The following ARHGEF3 variants were observed in gnomAD, a reference collection of about 807,000 sequenced individuals.
ARHGEF3 encodes 59.8 kDA protein.
Under a neutral mutation model 63.2 loss-of-function variants are expected in ARHGEF3, and 28 were observed. That is an observed-to-expected ratio of 0.44 (90% CI 0.33 to 0.61). The LOEUF is 0.61. ARHGEF3 is among the 20% of genes least tolerant of loss of function. ARHGEF3 has a pLI of 0.03. For missense variants in ARHGEF3, 533 were observed against 659.3 expected (o/e 0.81, Z 2.10); for synonymous variants, 266 against 254.2 (o/e 1.05, Z -0.44).
intron 3 of ARHGEF3, chr3:56,940,471 T>C (rs1335382140): frequency 1.3e-5 from 2 of 152,178 alleles, no homozygotes; most frequent in Non-Finnish European, 2.9e-5. Flanking sequence ...CCCACAGACC[T>C]CACATATGGC....
chr3:56,764,726 T>C (rs973818005), intron 2 of ARHGEF3, among the ~76,000 whole-genome samples: 4 of 151,664 alleles, frequency 2.6e-5, no homozygotes, highest in Non-Finnish European at 2.9e-5. Context: ...AAATAAAAAA[T>C]GACAAGCTTT....
intron 2 of ARHGEF3, among the ~76,000 whole-genome samples, chr3:57,017,046 A>T (rs1014235716): frequency 1.1e-4 from 17 of 148,836 alleles, no homozygotes; most frequent in African/African-American, 3.9e-4. Flanking sequence ...ACACACACAC[A>T]CACACACACA....
chr3:56,921,910 G>A (rs186018136), intron 3 of ARHGEF3, among the ~76,000 whole-genome samples: 8 of 152,328 alleles, frequency 5.3e-5, no homozygotes, highest in East Asian at 3.9e-4. Flanking sequence ...AAGTCTCAAC[G>A]ATTGCTAGTC....
At chr3:56,788,229 G>C (rs12638959) in intron 1 of ARHGEF3, among the ~76,000 whole-genome samples, 1 of 152,124 alleles carries the variant, frequency 6.6e-6, no homozygotes, top group Non-Finnish European at 1.5e-5. Flanking sequence ...TCCAGCATCA[G>C]GGAGCCTATT....
intron 3 of ARHGEF3, among the ~76,000 whole-genome samples, chr3:56,936,081 G>T (rs1578882924): frequency 1.3e-5 from 2 of 152,144 alleles, no homozygotes; most frequent in African/African-American, 2.4e-5. Context: ...GAAGCCCAGT[G>T]CAAGAAAGAA....
intron 4 of ARHGEF3, among the ~76,000 whole-genome samples, chr3:56,807,274 A>C (rs2037897621): frequency 6.6e-6 from 1 of 152,200 alleles, no homozygotes; most frequent in South Asian, 2.1e-4. Flanking sequence ...TCAGGTGTTC[A>C]ATTAGATACA....
chr3:56,796,026 C>G (rs1439478492), intron 1 of ARHGEF3, among the ~76,000 whole-genome samples: 1 of 151,720 alleles, frequency 6.6e-6, no homozygotes, highest in East Asian at 1.9e-4. Context: ...TCACTCCTGA[C>G]AGTCCATGAG....
intron 4 of ARHGEF3, among the ~76,000 whole-genome samples, chr3:56,819,007 T>G (rs763394046): frequency 2.0e-5 from 3 of 152,094 alleles, no homozygotes; most frequent in Non-Finnish European, 2.9e-5. Context: ...GCTGCCAAAG[T>G]CTCCATCTAG....
intron 4 of ARHGEF3, among the ~76,000 whole-genome samples, chr3:56,819,057 T>A (rs1186044890): frequency 6.6e-6 from 1 of 152,222 alleles, no homozygotes; most frequent in Non-Finnish European, 1.5e-5. Context: ...AATTTTTTTA[T>A]ACTTGTATTC....
intron 4 of ARHGEF3, among the ~76,000 whole-genome samples, chr3:56,829,831 G>A (rs1232146940): frequency 6.6e-6 from 1 of 152,130 alleles, no homozygotes; most frequent in Admixed American, 6.6e-5. Context: ...ACATAAGCAG[G>A]GATTTGTTTC....
chr3:57,042,651 A>AATATAT (rs71076013), intron 1 of ARHGEF3, among the ~76,000 whole-genome samples: 5 of 49,280 alleles, frequency 1.0e-4, no homozygotes, highest in African/African-American at 2.9e-4. Flanking sequence ...TATGTACATA[A>AATATAT]ATATATATAT....
chr3:56,964,808 T>C (rs560309788), intron 2 of ARHGEF3, among the ~76,000 whole-genome samples: 1 of 151,450 alleles, frequency 6.6e-6, no homozygotes, highest in South Asian at 2.1e-4. Context: ...CAACAGGTGA[T>C]GAGAAAAGGG....
chr3:56,805,236 T>C (rs903437222), upstream of ARHGEF3, among the ~76,000 whole-genome samples: 1 of 151,976 alleles, frequency 6.6e-6, no homozygotes, highest in African/African-American at 2.4e-5. Flanking sequence ...CTAAGAAATA[T>C]GTTTATTTTA....
Position 56,876,232 on chromosome 3 carries a change from C to T in ARHGEF3, c.192+6060G>A, listed in dbSNP as rs564472891. 5.5e-4 allele frequency among the ~76,000 whole-genome samples: 83 copies of T among 152,142 alleles called. 1 individual carries two copies. Among genetic ancestry groups the T allele is most frequent in the African/African-American group, 1.8e-3 (76 of 41,502 alleles). On this transcript the variant is annotated intron_variant, in intron 4 of 12. Transcript: ENST00000338458. ...GTTCAGGAGGTGGGCAGGGGCCAGA[C>T]GGTGCAAGGCTTTGGAAGCACAGTC...
chr3:56,805,138 C>A (rs1395873711), upstream of ARHGEF3, among the ~76,000 whole-genome samples: 2 of 152,204 alleles, frequency 1.3e-5, no homozygotes, highest in African/African-American at 4.8e-5. Flanking sequence ...CGTCTGATAG[C>A]CCTGGGACTG....
At chr3:56,783,148 C>T (rs2036639732) in intron 1 of ARHGEF3, among the ~76,000 whole-genome samples, 2 of 151,920 alleles carry the variant, frequency 1.3e-5, no homozygotes, top group Non-Finnish European at 2.9e-5. Flanking sequence ...GCTCAGAGGC[C>T]CTGCCCAAAC....
At chr3:57,008,914 C>G (rs1244527407) in intron 2 of ARHGEF3, among the ~76,000 whole-genome samples, 3 of 152,228 alleles carry the variant, frequency 2.0e-5, no homozygotes, top group African/African-American at 7.2e-5. Context: ...CAATGAATTG[C>G]CAACATTTCA....
intron 2 of ARHGEF3, chr3:56,975,711 T>C (rs1701099143): frequency 8.1e-6 from 3 of 370,816 alleles, no homozygotes; most frequent in South Asian, 6.1e-5. Flanking sequence ...GTTAAAACCA[T>C]TGCAGAAGCA....
intron 1 of ARHGEF3, among the ~76,000 whole-genome samples, chr3:56,781,113 G>GA (rs956538221): frequency 3.3e-5 from 5 of 152,334 alleles, no homozygotes; most frequent in Non-Finnish European, 7.3e-5. Flanking sequence ...GAGAGAGGTG[G>GA]AGACTGGAGT....
Sources: allele counts gnomAD v4.1 joint callset (sites outside exome capture counted in the v4.1 genomes callset), GRCh38; gene constraint gnomAD v4.1.1; transcripts MANE v1.5; gene names NCBI Gene and HGNC (gene_info 2026-07-23, HGNC 2026-07-21).